Variants in PDE12 observed in about 807,000 individuals in gnomAD.
PDE12 encodes phosphodiesterase 12.
In PDE12, 26 loss-of-function variants were observed where a neutral mutation model predicts 45.4. The observed-to-expected ratio is 0.57, with a 90% CI of 0.42 to 0.79. The LOEUF is 0.79. PDE12 is among the 30% of genes least tolerant of loss of function. The pLI, the probability that PDE12 is intolerant of heterozygous loss-of-function variation, is 0.00. For synonymous variants in PDE12, 283 were observed against 323.9 expected (o/e 0.87, Z 1.36); for missense variants, 668 against 790.0 (o/e 0.85, Z 1.85).
chr3:57,594,261 CTTTA>C, the PDE12 span, among the ~76,000 whole-genome samples: 1 of 152,068 alleles, frequency 6.6e-6, no homozygotes, highest in African/African-American at 2.4e-5. Flanking sequence ...GACGCTATTG[CTTTA>C]TTTTTATTTT....
Position 57,560,064 on chromosome 3 carries a change from A to G in PDE12, c.*60A>G. ...AGTAGTTATTTTAGCAGAAAATTTA[A>G]TATGAATCAAAGCTTATATGTAAAC... On this transcript the variant is annotated 3_prime_UTR_variant, in exon 3 of 3. Coordinates refer to ENST00000311180, the MANE Select transcript of PDE12 (RefSeq NM_177966.7). 1 of 1,529,318 alleles carries G rather than the reference A, an allele frequency of 6.5e-7. No homozygotes were observed. Among genetic ancestry groups the G allele is most frequent in the Non-Finnish European group, 8.7e-7 (1 of 1,147,792 alleles). 94.7% of individuals were successfully genotyped at this position (1,529,318 alleles called of 1,614,324 possible).
chr3:57,612,642 A>C, the PDE12 span, among the ~76,000 whole-genome samples: 2 of 151,908 alleles, frequency 1.3e-5, no homozygotes, highest in Non-Finnish European at 2.9e-5. Context: ...GTGGTGGTGC[A>C]CGCCTGTAGT....
chr3:57,631,210 T>G, the PDE12 span: 1 of 478,704 alleles, frequency 2.1e-6, no homozygotes, highest in Non-Finnish European at 3.7e-6. Context: ...CATTTTTTCT[T>G]TTTTGAGACA....
Position 57,556,905 on chromosome 3 carries a change from G to A in PDE12, c.526G>A (p.Gly176Arg). 1 of 1,614,168 alleles carries A rather than the reference G, an allele frequency of 6.2e-7. No individual in the cohort carries two copies. The highest frequency in any genetic ancestry group is 2.2e-5 in the East Asian group (1 of 44,882). The stretch of plus-strand genomic sequence containing the variant: ...GCAGTTGCCGCGCTACATCATGGCC[G>A]GGTTCCCTGTGTGCCCCAAACTCAG... ...ELQLPRYIMA[G>R]FPVCPKLSLE... Residue 176 changes from glycine (G) to arginine (R), a missense_variant, in exon 1 of 3, where the codon GGG (glycine) becomes AGG (arginine). Gly to Arg is a moderately radical substitution (Grantham distance 125, BLOSUM62 -2). Coordinates refer to ENST00000311180, the MANE Select transcript of PDE12 (RefSeq NM_177966.7). The surrounding 1 kb of genome is among the most constrained non-coding windows in gnomAD (Gnocchi z 5.0).
At chr3:57,567,725 A>G (rs1291785634), downstream of PDE12, among the ~76,000 whole-genome samples, 1 of 152,144 alleles carries the variant, frequency 6.6e-6, no homozygotes, top group African/African-American at 2.4e-5. Flanking sequence ...CTGGTAACCA[A>G]TATTTACATT....
chr3:57,587,935 G>C, the PDE12 span, among the ~76,000 whole-genome samples: 1 of 152,108 alleles, frequency 6.6e-6, no homozygotes, highest in Non-Finnish European at 1.5e-5. Flanking sequence ...GTATTTATAA[G>C]CTTTAATGCA....
chr3:57,588,721 C>G, the PDE12 span, among the ~76,000 whole-genome samples: 2 of 143,488 alleles, frequency 1.4e-5, no homozygotes, highest in African/African-American at 5.3e-5. Flanking sequence ...TGTTGGGAGG[C>G]TGAGGCAGGT....
the PDE12 span, among the ~76,000 whole-genome samples, chr3:57,581,459 A>C: frequency 2.0e-5 from 3 of 152,184 alleles, no homozygotes; most frequent in Non-Finnish European, 4.4e-5. Context: ...TTGGTCAAGA[A>C]TTATTAGGCT....
At chr3:57,641,840 A>AAT in the PDE12 span, 2 of 1,013,578 alleles carry the variant, frequency 2.0e-6, no homozygotes, top group Non-Finnish European at 2.9e-6. Flanking sequence ...TTCAATGAAC[A>AAT]ATACACAGAT....
At chr3:57,571,352 A>T (rs138880502), downstream of PDE12, 1 of 152,590 alleles carries the variant, frequency 6.6e-6, no homozygotes, top group Non-Finnish European at 1.5e-5. Flanking sequence ...ACTCAAAAAG[A>T]ACACACACAA....
the PDE12 span, among the ~76,000 whole-genome samples, chr3:57,623,678 C>CA: frequency 1.3e-5 from 2 of 151,898 alleles, no homozygotes; most frequent in Admixed American, 6.6e-5. Context: ...GACTCCCTCT[C>CA]AAAAAAATAA....
the PDE12 span, among the ~76,000 whole-genome samples, chr3:57,589,809 C>T: frequency 6.6e-6 from 1 of 151,002 alleles, no homozygotes; most frequent in Admixed American, 6.6e-5. Context: ...AAAGTTAGAT[C>T]CAGCCGGGCA....
the PDE12 span, chr3:57,596,876 G>C: frequency 1.4e-5 from 8 of 586,506 alleles, no homozygotes; most frequent in African/African-American, 1.9e-5. Flanking sequence ...TCCCTGTCTC[G>C]TCTGGCGACA....
Position 57,557,038 on chromosome 3 carries a change from C to A in PDE12, c.659C>A (p.Ser220Ter). The change falls in exon 1 of 3, where the codon TCA becomes TAA. Residue 220 changes from serine (S) to a stop codon, truncating the protein, a stop_gained. Coordinates refer to ENST00000311180, the MANE Select transcript of PDE12 (RefSeq NM_177966.7). LOFTEE classifies it high-confidence loss of function. ...GTCCCCTCGTCATTGTCTCCCTCCT[C>A]ACCTTCTTCTTCTTGGACTGAGACT... ...VGVPSSLSPS[S>*]PSSSWTETDV... is the part of the protein sequence containing the mutation. The A allele has an allele frequency of 6.2e-7, 1 of 1,614,086 alleles. No homozygotes were observed. Among genetic ancestry groups the A allele is most frequent in the Admixed American group, 1.7e-5 (1 of 60,010 alleles).
the PDE12 span, chr3:57,646,172 C>T: frequency 8.4e-7 from 1 of 1,189,668 alleles, no homozygotes; most frequent in Admixed American, 2.9e-5. Flanking sequence ...TAAGCATTAC[C>T]TTCTGATAGG....
At chr3:57,585,068 TG>T in the PDE12 span, among the ~76,000 whole-genome samples, 1 of 152,124 alleles carries the variant, frequency 6.6e-6, no homozygotes, top group Admixed American at 6.6e-5. Context: ...TTCACCATGT[TG>T]GCCAGGCTGG....
chr3:57,641,680 T>C, the PDE12 span: 1 of 1,612,776 alleles, frequency 6.2e-7, no homozygotes, highest in Non-Finnish European at 8.5e-7. Context: ...CCTATTCGAA[T>C]AATGTGTGGC....
the PDE12 span, among the ~76,000 whole-genome samples, chr3:57,610,389 A>G: frequency 1.3e-5 from 2 of 152,164 alleles, no homozygotes; most frequent in Admixed American, 6.6e-5. Flanking sequence ...GGCCAGGGCA[A>G]TCAGGCAGGA....
chr3:57,654,787 T>C, the PDE12 span: 1 of 985,062 alleles, frequency 1.0e-6, no homozygotes, highest in Non-Finnish European at 1.2e-6. Flanking sequence ...TTCAAATGCC[T>C]TTCTAGGTCT....
Sources: allele counts gnomAD v4.1 joint callset (sites outside exome capture counted in the v4.1 genomes callset), GRCh38; gene constraint gnomAD v4.1.1; non-coding constraint Gnocchi (gnomAD v3.1); transcripts MANE v1.5; gene names NCBI Gene and HGNC (gene_info 2026-07-23, HGNC 2026-07-21).